Variants in FAM135A observed in about 807,000 individuals in gnomAD.
The protein encoded by FAM135A is protein FAM135A.
A neutral mutation model predicts 146.8 loss-of-function variants in FAM135A; 79 were observed. The observed-to-expected ratio is 0.54, with a 90% confidence interval of 0.45 to 0.65. The LOEUF (loss-of-function observed/expected upper bound fraction) is 0.65, where lower values mean the gene tolerates loss of function less well. Among genes scored for constraint, FAM135A ranks in the 30% least tolerant of loss-of-function variants. FAM135A has a pLI of 0.00. For synonymous variants in FAM135A, 562 were observed against 603.6 expected, an observed-to-expected ratio of 0.93 and a Z score of 1.01; for missense variants, 1,623 against 1,758.2, an observed-to-expected ratio of 0.92 and a Z score of 1.38.
chr6:70,419,408 G>A (rs1179344308), intron 2 of FAM135A, among the ~76,000 whole-genome samples: 1 of 123,678 alleles, frequency 8.1e-6, no homozygotes, highest in African/African-American at 3.2e-5. Context: ...GACAGAGCGA[G>A]ACTTCGTCTC....
At chr6:70,425,423 A>G (rs1245412163) in intron 2 of FAM135A, among the ~76,000 whole-genome samples, 2 of 152,204 alleles carry the variant, frequency 1.3e-5, no homozygotes, top group African/African-American at 4.8e-5. Context: ...TAAAGATAGC[A>G]TTGTTTGATC....
rs1241863691 is a variant in FAM135A at position 70,560,640 on chromosome 6, T to C, written c.*719T>C. 1 of 152,588 alleles carries C rather than the reference T, an allele frequency of 6.6e-6. No homozygotes were observed. Among genetic ancestry groups the C allele is most frequent in the African/African-American group, 2.4e-5 (1 of 41,460 alleles). The allele number at this position is 152,588 out of a possible 1,614,324, so 9.5% of individuals were successfully genotyped here. ...AGATAAAGATTTTTGAATGTTTGAA[T>C]GCCCTCTGCCTTGATTTGGTTGGAA... On this transcript the variant is annotated 3_prime_UTR_variant, in exon 22 of 22. Transcript: ENST00000418814.
intron 4 of FAM135A, among the ~76,000 whole-genome samples, chr6:70,433,273 A>C (rs1582062540): frequency 2.0e-5 from 3 of 151,860 alleles, no homozygotes; most frequent in Admixed American, 2.0e-4. Context: ...ACGAGGTTTC[A>C]CCATGTTAGC....
At chr6:70,533,088 A>C in intron 16 of FAM135A, 72 bp from the exon 17 acceptor site, 2 of 1,227,460 alleles carry the variant, frequency 1.6e-6, no homozygotes, top group South Asian at 2.5e-5. Context: ...TAAAAACTGT[A>C]AAAATATGTG....
At chr6:70,414,025 A>T in intron 1 of FAM135A, 14 of 985,262 alleles carry the variant, frequency 1.4e-5, no homozygotes, top group Non-Finnish European at 1.7e-5. Context: ...TTTGCCCTTC[A>T]CCCCTGCTCC....
intron 20 of FAM135A, among the ~76,000 whole-genome samples, chr6:70,551,303 G>A (rs1157037532): frequency 6.6e-6 from 1 of 152,102 alleles, no homozygotes; most frequent in Admixed American, 6.6e-5. Flanking sequence ...ATCATTTCTA[G>A]CTTTTGATTT....
At chr6:70,529,759 T>A (rs1195598841) in intron 16 of FAM135A, among the ~76,000 whole-genome samples, 1 of 151,862 alleles carries the variant, frequency 6.6e-6, no homozygotes, top group Admixed American at 6.6e-5. Flanking sequence ...AGTAGACCAG[T>A]CTGACATAAA....
intron 12 of FAM135A, chr6:70,504,441 A>G (rs562843526): frequency 6.6e-6 from 1 of 152,058 alleles, no homozygotes; most frequent in Non-Finnish European, 1.5e-5. Flanking sequence ...AATGAACTGG[A>G]GGTCTTAATT....
At chr6:70,516,622 G>A (rs112005381) in intron 12 of FAM135A, among the ~76,000 whole-genome samples, 19,282 of 135,712 alleles carry the variant, frequency 0.14, 1,477 homozygotes, top group Middle Eastern at 0.22. Context: ...TGCAAGCTCC[G>A]CCTCCTGGGT....
At chr6:70,416,028 A>G (rs1231972395) in intron 2 of FAM135A, among the ~76,000 whole-genome samples, 1 of 152,282 alleles carries the variant, frequency 6.6e-6, no homozygotes, top group East Asian at 1.9e-4. Flanking sequence ...CAAATCAAAC[A>G]TTTCTTTTTT....
intron 3 of FAM135A, chr6:70,426,885 C>G (rs1169761448): frequency 6.6e-6 from 1 of 152,188 alleles, no homozygotes; most frequent in African/African-American, 2.4e-5. Context: ...TTATACAGAA[C>G]AGTAGACAAA....
At position 70,525,066 on chromosome 6, in the gene FAM135A, C is replaced by G. The variant is rs112492624; in HGVS notation, c.1982C>G (p.Pro661Arg). 48 of 1,584,628 alleles carry G rather than the reference C, an allele frequency of 3.0e-5. No individual in the cohort carries two copies. The African/African-American group carries it at 5.8e-4, about 19-fold the overall frequency. The change falls in exon 15 of 22, where the codon CCC becomes CGC. Residue 661 changes from proline to arginine, a missense_variant. This residue lies in a region of FAM135A where 1,061 missense variants were observed against 1,113.8 expected (regional missense o/e 0.95). Coordinates refer to ENST00000418814, the MANE Select transcript of FAM135A (RefSeq NM_001162529.3). ...SLGVRTIEIK[P>R]SNKDPFSGEN... ...GGAGTTAGAACAATTGAAATAAAGC[C>G]CAGTAATAAAGATCCTTTCAGTGGA...
chr6:70,538,486 C>G (rs1380003532), intron 20 of FAM135A, 85 bp downstream of exon 20: 30 of 711,430 alleles, frequency 4.2e-5, no homozygotes, highest in Non-Finnish European at 5.9e-5. Flanking sequence ...ATCAACATGT[C>G]TTTCTAGTGG....
chr6:70,414,092 G>T (rs772835698), intron 1 of FAM135A: 1 of 971,740 alleles, frequency 1.0e-6, no homozygotes, highest in South Asian at 4.8e-5. Context: ...TTTTCATCCC[G>T]CGCCTCCCAC....
chr6:70,539,889 G>A (rs1461176193), intron 20 of FAM135A, among the ~76,000 whole-genome samples: 1 of 152,102 alleles, frequency 6.6e-6, no homozygotes, highest in Non-Finnish European at 1.5e-5. Flanking sequence ...CCAGCTACTC[G>A]GGAGGCTGAG....
At chr6:70,506,996 A>C (rs1402874029) in intron 12 of FAM135A, among the ~76,000 whole-genome samples, 1 of 152,044 alleles carries the variant, frequency 6.6e-6, no homozygotes, top group Non-Finnish European at 1.5e-5. Context: ...GCTGGTGAAC[A>C]CAACTTTGAG....
intron 4 of FAM135A, among the ~76,000 whole-genome samples, chr6:70,439,783 A>G (rs1774036334): frequency 6.6e-6 from 1 of 152,200 alleles, no homozygotes; most frequent in African/African-American, 2.4e-5. Context: ...ATCTAGGACT[A>G]ACTTTTGTTT....
Position 70,426,449 on chromosome 6 carries a change from G to A in FAM135A, c.-123G>A, listed in dbSNP as rs370623725. ...TTTTTTTTCTCATAGGGGGAACGGTGTATTTTTAACAACGGGAATCAGTAA... is the reference window on the plus strand; with the variant it reads ...TTTTTTTTCTCATAGGGGGAACGGTATATTTTTAACAACGGGAATCAGTAA... On this transcript the variant is annotated 5_prime_UTR_variant, in exon 3 of 22. Transcript: ENST00000418814. 33 of 152,044 alleles carry A rather than the reference G, an allele frequency of 2.2e-4. No homozygotes were observed. Among genetic ancestry groups the A allele is most frequent in the Admixed American group, 3.3e-4 (5 of 15,254 alleles). The allele number at this position is 152,044 out of a possible 1,614,324, so 9.4% of individuals were successfully genotyped here.
Position 70,526,463 on chromosome 6 carries a change from C to T in FAM135A, c.3379C>T (p.Leu1127Phe). The T allele has an allele frequency of 6.2e-7, 1 of 1,613,276 alleles. No individual in the cohort carries two copies. Among genetic ancestry groups the T allele is most frequent in the Non-Finnish European group, 8.5e-7 (1 of 1,179,548 alleles). Residue 1127 changes from leucine to phenylalanine, a missense_variant, in exon 15 of 22, where the codon CTT becomes TTT. Leu to Phe is a conservative substitution (Grantham distance 22, BLOSUM62 0). Coordinates refer to ENST00000418814, the MANE Select transcript of FAM135A (RefSeq NM_001162529.3). ...CAGAGATGAACTAATGGAAGAAAGA[C>T]TTACAAAATCTGAAAAAATAAACAG... is the stretch of plus-strand genomic sequence containing the variant. ...TSRDELMEER[L>F]TKSEKINSDY...
Sources: allele counts gnomAD v4.1 joint callset (sites outside exome capture counted in the v4.1 genomes callset), GRCh38; gene constraint gnomAD v4.1.1; regional missense constraint gnomAD v4.1.1; transcripts MANE v1.5; gene names NCBI Gene and HGNC (gene_info 2026-07-23, HGNC 2026-07-21).